PTPRT: variants seen among roughly 807,000 people sequenced by gnomAD.
PTPRT encodes the protein receptor-type tyrosine-protein phosphatase T.
A neutral mutation model predicts 176.8 loss-of-function variants in PTPRT; 56 were observed. That is an observed-to-expected ratio of 0.32 (90% confidence interval 0.26 to 0.40). PTPRT has a LOEUF of 0.40. Among genes scored for constraint, PTPRT ranks in the 10% least tolerant of loss-of-function variants. The pLI, the probability that PTPRT is intolerant of heterozygous loss-of-function variation, is 1.00. For synonymous variants in PTPRT, 783 were observed against 739.0 expected, an observed-to-expected ratio of 1.06 and a Z score of -0.96; for missense variants, 1,540 against 1,908.2, an observed-to-expected ratio of 0.81 and a Z score of 3.60.
chr20:43,155,093 T>C (rs575041081), intron 1 of PTPRT, among the ~76,000 whole-genome samples: 12 of 152,268 alleles, frequency 7.9e-5, no homozygotes, highest in Non-Finnish European at 1.2e-4. Context: ...TTATACACTG[T>C]TGGTGGAAAT....
intron 15 of PTPRT, among the ~76,000 whole-genome samples, chr20:42,216,920 T>C (rs2055784502): frequency 6.6e-6 from 1 of 152,238 alleles, no homozygotes; most frequent in Admixed American, 6.5e-5. Flanking sequence ...GTTTCTGATT[T>C]GGTAAATCAG....
At chr20:43,076,371 T>A (rs1195354148) in intron 1 of PTPRT, among the ~76,000 whole-genome samples, 1 of 151,766 alleles carries the variant, frequency 6.6e-6, no homozygotes, top group Non-Finnish European at 1.5e-5. Flanking sequence ...TACCATGCAA[T>A]ATATTTAATA....
At chr20:42,775,137 C>G (rs1050361492) in intron 4 of PTPRT, among the ~76,000 whole-genome samples, 1 of 152,204 alleles carries the variant, frequency 6.6e-6, no homozygotes, top group African/African-American at 2.4e-5. Context: ...CAATTCCCCC[C>G]AGATGGGATG....
chr20:42,668,342 T>C (rs1173977410), intron 7 of PTPRT, among the ~76,000 whole-genome samples: 1 of 152,038 alleles, frequency 6.6e-6, no homozygotes, highest in Non-Finnish European at 1.5e-5. Flanking sequence ...CCAATAAGCA[T>C]ACAAAATAAA....
chr20:42,585,406 G>T (rs922810560), intron 7 of PTPRT, among the ~76,000 whole-genome samples: 34 of 152,070 alleles, frequency 2.2e-4, no homozygotes, highest in African/African-American at 5.1e-4. Context: ...TGTCATCTAG[G>T]TTGAATTTTT....
chr20:42,142,583 C>G (rs1988679459), intron 17 of PTPRT, among the ~76,000 whole-genome samples: 1 of 151,998 alleles, frequency 6.6e-6, no homozygotes, highest in African/African-American at 2.4e-5. Context: ...AGGATTTGTT[C>G]AAAGACCCCC....
chr20:42,131,848 C>T (rs1442460145), intron 18 of PTPRT, among the ~76,000 whole-genome samples: 2 of 152,146 alleles, frequency 1.3e-5, no homozygotes, highest in Non-Finnish European at 2.9e-5. Flanking sequence ...AAGGTTTGGC[C>T]AGTGCACAAT....
chr20:42,669,157 T>A (rs1191599720), intron 7 of PTPRT, among the ~76,000 whole-genome samples: 1 of 152,074 alleles, frequency 6.6e-6, no homozygotes, highest in African/African-American at 2.4e-5. Context: ...ACAAGTTCGG[T>A]AGGTGATGCA....
At chr20:42,617,191 G>A (rs966602043) in intron 7 of PTPRT, among the ~76,000 whole-genome samples, 1 of 136,632 alleles carries the variant, frequency 7.3e-6, no homozygotes, top group Non-Finnish European at 1.5e-5. Context: ...CATCTATTGA[G>A]ATAATCATGT....
intron 1 of PTPRT, among the ~76,000 whole-genome samples, chr20:43,093,812 C>G (rs1035891548): frequency 3.3e-5 from 5 of 152,160 alleles, no homozygotes; most frequent in African/African-American, 1.2e-4. Context: ...CGATATTCCT[C>G]TCAGGTCCCT....
intron 7 of PTPRT, 148 bp from the exon 8 acceptor site, chr20:42,472,710 T>C (rs1233093505): frequency 5.1e-6 from 4 of 781,730 alleles, no homozygotes; most frequent in Non-Finnish European, 7.9e-6. Context: ...ACAGGCAATA[T>C]AATTTAGAGA....
chr20:43,039,468 G>A (rs994958532), intron 1 of PTPRT, among the ~76,000 whole-genome samples: 3 of 151,374 alleles, frequency 2.0e-5, no homozygotes, highest in Non-Finnish European at 4.4e-5. Flanking sequence ...GGGAGGGAAG[G>A]AAAGAAAACC....
intron 7 of PTPRT, among the ~76,000 whole-genome samples, chr20:42,625,151 G>A (rs1411028360): frequency 6.6e-6 from 1 of 152,166 alleles, no homozygotes; most frequent in Non-Finnish European, 1.5e-5. Flanking sequence ...TGGGACAAGG[G>A]ACAATGGCAA....
chr20:42,906,080 A>C (rs1022681948), intron 1 of PTPRT, among the ~76,000 whole-genome samples: 1 of 152,186 alleles, frequency 6.6e-6, no homozygotes, highest in African/African-American at 2.4e-5. Flanking sequence ...GAACCAAAAC[A>C]AAAACAAAAA....
intron 13 of PTPRT, among the ~76,000 whole-genome samples, chr20:42,275,082 C>T (rs73909255): frequency 0.012 from 1,791 of 152,292 alleles, 35 homozygotes; most frequent in African/African-American, 0.04. Flanking sequence ...ATAACGATGA[C>T]CACTATTTAT....
intron 9 of PTPRT, among the ~76,000 whole-genome samples, chr20:42,353,458 A>G (rs1021985314): frequency 6.6e-6 from 1 of 152,188 alleles, no homozygotes; most frequent in African/African-American, 2.4e-5. Context: ...GTATATGAAG[A>G]CCATGCCCCA....
At chr20:42,485,531 G>A (rs2071451487) in intron 7 of PTPRT, among the ~76,000 whole-genome samples, 4 of 152,184 alleles carry the variant, frequency 2.6e-5, no homozygotes, top group Non-Finnish European at 4.4e-5. Flanking sequence ...TCTAGACTAT[G>A]TAAAAACAAA....
chr20:43,048,825 G>A (rs1362246610), intron 1 of PTPRT, among the ~76,000 whole-genome samples: 1 of 152,142 alleles, frequency 6.6e-6, no homozygotes, highest in African/African-American at 2.4e-5. Context: ...CTGTCCTTGG[G>A]CCTGTGGGGG....
chr20:42,161,564 A>G, intron 16 of PTPRT, 22 bp from the exon 17 acceptor site: 1 of 1,578,594 alleles, frequency 6.3e-7, no homozygotes, highest in Non-Finnish European at 8.6e-7. Flanking sequence ...AGGAGGCAGA[A>G]CAGATCATCA....
Sources: allele counts gnomAD v4.1 joint callset (sites outside exome capture counted in the v4.1 genomes callset), GRCh38; gene constraint gnomAD v4.1.1; transcripts MANE v1.5; gene names NCBI Gene and HGNC (gene_info 2026-07-23, HGNC 2026-07-21).